Variants in PAK1 observed in about 807,000 individuals in gnomAD.
The protein encoded by PAK1 is p21 (RAC1) activated kinase 1, also known as serine/threonine-protein kinase PAK 1.
PAK1 carries 29 observed loss-of-function variants against 67.4 expected under a neutral mutation model. The observed-to-expected ratio is 0.43, with a 90% CI of 0.32 to 0.59. The LOEUF is 0.59. Ranked by LOEUF, PAK1 falls within the 20% of genes least tolerant of loss-of-function variation. The pLI is 0.07. For missense variants in PAK1, 337 were observed against 670.7 expected (o/e 0.50, Z 5.50); for synonymous variants, 223 against 237.4 (o/e 0.94, Z 0.56).
At chr11:77,446,177 T>C (rs147454175) in intron 1 of PAK1, among the ~76,000 whole-genome samples, 31 of 152,300 alleles carry the variant, frequency 2.0e-4, no homozygotes, top group Non-Finnish European at 3.4e-4. Context: ...TTTGACTCAC[T>C]GTCTCTATGC....
chr11:77,335,714 T>G (rs1268332568), intron 13 of PAK1, among the ~76,000 whole-genome samples: 1 of 152,194 alleles, frequency 6.6e-6, no homozygotes, highest in Non-Finnish European at 1.5e-5. Flanking sequence ...CTCTGCAGAA[T>G]AAAATAACTT....
At chr11:77,495,327 A>C in the PAK1 span, among the ~76,000 whole-genome samples, 47 of 150,980 alleles carry the variant, frequency 3.1e-4, no homozygotes, top group Admixed American at 1.7e-3. Context: ...TACAAAAATT[A>C]GCCAGGCGCG....
intron 11 of PAK1, among the ~76,000 whole-genome samples, chr11:77,339,824 G>GT (rs1241415956): frequency 1.3e-4 from 19 of 149,320 alleles, no homozygotes; most frequent in African/African-American, 3.8e-4. Context: ...TGTGGTTTTG[G>GT]TATTTTTTTT....
the PAK1 span, among the ~76,000 whole-genome samples, chr11:77,523,008 G>T: frequency 6.6e-6 from 1 of 152,146 alleles, no homozygotes; most frequent in African/African-American, 2.4e-5. Flanking sequence ...TTACAAGTGG[G>T]AGCGAAACAC....
chr11:77,470,808 T>C (rs1329994945), intron 1 of PAK1, among the ~76,000 whole-genome samples: 1 of 152,234 alleles, frequency 6.6e-6, no homozygotes, highest in African/African-American at 2.4e-5. Context: ...GAAACAATCC[T>C]GGCTTGGAAT....
chr11:77,365,478 T>TA (rs780258812), intron 5 of PAK1, among the ~76,000 whole-genome samples: 27 of 150,668 alleles, frequency 1.8e-4, no homozygotes, highest in Non-Finnish European at 3.0e-4. Flanking sequence ...CTAAATTTGA[T>TA]AAAAACATTA....
chr11:77,339,875 T>C (rs749688973), intron 11 of PAK1, among the ~76,000 whole-genome samples: 15 of 152,068 alleles, frequency 9.9e-5, no homozygotes, highest in Non-Finnish European at 2.9e-5. Context: ...TTTTGCATTA[T>C]TGGGCCATCA....
chr11:77,513,621 A>ACAT, the PAK1 span, among the ~76,000 whole-genome samples: 1 of 143,248 alleles, frequency 7.0e-6, no homozygotes, highest in African/African-American at 2.6e-5. Context: ...CAGTGAGCCA[A>ACAT]CATCGGGCCA....
At chr11:77,326,643 G>A (rs991609573) in intron 14 of PAK1, among the ~76,000 whole-genome samples, 8 of 152,156 alleles carry the variant, frequency 5.3e-5, no homozygotes, top group Admixed American at 1.3e-4. Flanking sequence ...CCATGATTGC[G>A]CCATGCACTC....
chr11:77,434,197 T>C (rs1158519454), intron 1 of PAK1, among the ~76,000 whole-genome samples: 1 of 152,180 alleles, frequency 6.6e-6, no homozygotes, highest in African/African-American at 2.4e-5. Flanking sequence ...TAAATGTTCA[T>C]AGTAGCATTA....
At chr11:77,388,605 G>A (rs2852383) in intron 2 of PAK1, among the ~76,000 whole-genome samples, 16,566 of 152,162 alleles carry the variant, frequency 0.11, 2,183 homozygotes, top group African/African-American at 0.3. Flanking sequence ...CACCCGCCTC[G>A]GCCTCCCAAA....
chr11:77,430,951 T>C lies in PAK1; in HGVS notation c.-21-38410A>G, dbSNP rs992106198. On this transcript the variant is annotated intron_variant, in intron 1 of 14. Coordinates refer to ENST00000356341, the MANE Select transcript of PAK1 (RefSeq NM_002576.5). ...CCTCCTGTCAGATCAGTGGCAGCATTAGATTCTGATAGGAGCACAAACTCT... is the reference window on the plus strand; with the variant it reads ...CCTCCTGTCAGATCAGTGGCAGCATCAGATTCTGATAGGAGCACAAACTCT... 3.3e-5 allele frequency among the ~76,000 whole-genome samples: 5 copies of C among 152,178 alleles called. No homozygotes were observed. The East Asian group carries it at 7.7e-4, about 23-fold the overall frequency.
intron 6 of PAK1, among the ~76,000 whole-genome samples, chr11:77,358,638 A>C (rs1403732395): frequency 6.6e-6 from 1 of 152,134 alleles, no homozygotes; most frequent in East Asian, 1.9e-4. Context: ...ATCTGTGGAG[A>C]ACCGAGACTG....
chr11:77,387,794 T>C (rs1316167870), intron 2 of PAK1, among the ~76,000 whole-genome samples: 2 of 152,232 alleles, frequency 1.3e-5, no homozygotes, highest in African/African-American at 4.8e-5. Context: ...ATCTGTGTTA[T>C]AAGTCCAGTT....
At chr11:77,381,943 C>A (rs959864208) in intron 2 of PAK1, among the ~76,000 whole-genome samples, 1 of 152,198 alleles carries the variant, frequency 6.6e-6, no homozygotes, top group African/African-American at 2.4e-5. Context: ...CCAAGTCAAG[C>A]AGTCCTTTAT....
In PAK1 at chr11:77,465,767, C is replaced by T. The variant is rs538536180; in HGVS notation, c.-22+7785G>A. ...TCACTTGAGTCCAGCCTGGGCAACA[C>T]GGCAAAACCCTGTCTCTACAAAAAA... On this transcript the variant is annotated intron_variant, in intron 1 of 14. Transcript: ENST00000356341. 1.3e-4 allele frequency among the ~76,000 whole-genome samples: 20 copies of T among 151,910 alleles called. 1 individual carries two copies. The South Asian group carries it at 2.3e-3, about 17-fold the overall frequency.
chr11:77,517,303 G>T, the PAK1 span, among the ~76,000 whole-genome samples: 2 of 152,172 alleles, frequency 1.3e-5, no homozygotes, highest in African/African-American at 2.4e-5. Context: ...TTTGAGTCAT[G>T]CACCCATCCT....
the PAK1 span, among the ~76,000 whole-genome samples, chr11:77,503,587 G>T: frequency 3.9e-5 from 6 of 152,332 alleles, no homozygotes; most frequent in African/African-American, 1.4e-4. Context: ...ATTAGGTCAG[G>T]CATGGTAGCT....
At chr11:77,479,079 C>T (rs868833459), upstream of PAK1, among the ~76,000 whole-genome samples, 1 of 143,518 alleles carries the variant, frequency 7.0e-6, no homozygotes, top group Non-Finnish European at 1.5e-5. Flanking sequence ...AGCAAGACTC[C>T]GTCTCAAAAA....
Sources: gnomAD v4.1 joint callset for allele counts (sites outside exome capture counted in the v4.1 genomes callset) on GRCh38, gnomAD v4.1.1 for gene constraint, MANE v1.5 for transcripts, NCBI Gene and HGNC (gene_info 2026-07-23, HGNC 2026-07-21) for gene names.